Variants in ZNF668 observed in about 807,000 individuals in gnomAD.
The protein encoded by ZNF668 is zinc finger protein 668.
Under a neutral mutation model 40.3 loss-of-function variants are expected in ZNF668, and 10 were observed. That is an observed-to-expected ratio of 0.25 (90% CI 0.15 to 0.42). The LOEUF (loss-of-function observed/expected upper bound fraction) is 0.42. ZNF668 is among the 10% of genes least tolerant of loss of function. The probability of loss-of-function intolerance (pLI) is 1.00; values close to 1 mark genes in which losing one functional copy is unlikely to be tolerated. For synonymous variants in ZNF668, 428 were observed against 384.6 expected (o/e 1.11, Z -1.32); for missense variants, 749 against 904.6 (o/e 0.83, Z 2.21).
In ZNF668 at chr16:31,062,039, G is replaced by A; in HGVS notation, c.889C>T (p.Arg297Cys). The part of the protein sequence containing the change: ...RMFSDPSSFR[R>C]HQRAHEGVKP... ...ACCCCTTCATGGGCGCGCTGGTGGC[G>A]ACGGAAGCTCGAGGGGTCGGAGAAC... The change falls in exon 3 of 3, where the codon CGC becomes TGC. Residue 297 changes from arginine to cysteine, a missense_variant. Arg to Cys is a radical substitution (Grantham distance 180). Coordinates refer to ENST00000300849, the MANE Select transcript of ZNF668 (RefSeq NM_024706.5). The A allele has an allele frequency of 1.9e-6, 3 of 1,613,522 alleles. No homozygotes were observed. The highest frequency in any genetic ancestry group is 1.1e-5 in the South Asian group (1 of 91,050).
chr16:31,064,982 T>C, intron 1 of ZNF668: 2 of 1,228,516 alleles, frequency 1.6e-6, no homozygotes, highest in South Asian at 4.2e-5. Flanking sequence ...CCCCAGCATT[T>C]GTGTTTTCTT....
chr16:31,064,148 G>A lies in ZNF668; in HGVS notation c.312C>T (p.Arg104=), dbSNP rs756182512. The A allele has an allele frequency of 5.6e-6, 9 of 1,607,922 alleles. No individual in the cohort carries two copies. The African/African-American group carries it at 1.2e-4, about 21-fold the overall frequency. Residue 104 remains arginine (R), a synonymous_variant, in exon 2 of 3, where the codon CGC becomes CGT. Coordinates refer to ENST00000300849, the MANE Select transcript of ZNF668 (RefSeq NM_024706.5). The stretch of plus-strand genomic sequence containing the variant: ...GAAAGGGCTTCTCCCCCGTGTGGCT[G>A]CGCCCGTGGCTGCGCAGCTCGGGTG... ...KTAPELRSHG[R]SHTGEKPFPC... is the part of the protein sequence containing the mutation.
intron 1 of ZNF668, among the ~76,000 whole-genome samples, chr16:31,068,220 TAA>T (rs767511878): frequency 1.1e-4 from 1 of 9,380 alleles, no homozygotes; most frequent in African/African-American, 2.9e-4. Context: ...ATCCCACCAT[TAA>T]AAAAAAAAAA....
At chr16:31,071,446 C>T (rs1319803429) in intron 1 of ZNF668, among the ~76,000 whole-genome samples, 1 of 152,154 alleles carries the variant, frequency 6.6e-6, no homozygotes, top group Non-Finnish European at 1.5e-5. Flanking sequence ...GGATTACAGG[C>T]GTGAGCCACC....
At chr16:31,066,354 A>G (rs1258801622) in intron 1 of ZNF668, 1 of 985,266 alleles carries the variant, frequency 1.0e-6, no homozygotes, top group African/African-American at 1.7e-5. Context: ...AATCCCACAA[A>G]ACTCCATCTT....
rs764449774 is a variant in ZNF668, at chr16:31,061,893, G to A, written c.1035C>T (p.Phe345=). The change falls in exon 3 of 3, where the codon TTC becomes TTT. Residue 345 remains phenylalanine, a synonymous_variant. Coordinates refer to ENST00000300849, the MANE Select transcript of ZNF668 (RefSeq NM_024706.5). This position sits in a 1 kb window ranked among gnomAD's most constrained non-coding sequence, Gnocchi z 7.7. ...PFKCLQCDKT[F]VASWDLKRHA... ...GCCGCTTGAGGTCCCAGGACGCCAC[G>A]AACGTCTTGTCACATTGCAGGCACT... 16 of 1,612,928 alleles carry A rather than the reference G, an allele frequency of 9.9e-6. No homozygotes were observed. The African/African-American group carries it at 1.5e-4, about 15-fold the overall frequency.
intron 1 of ZNF668, among the ~76,000 whole-genome samples, chr16:31,068,239 A>AAAAAAAATATATATATATAT (rs1473353128): frequency 1.2e-5 from 1 of 82,988 alleles, no homozygotes; most frequent in African/African-American, 5.0e-5. Flanking sequence ...AAAAAAAAAA[A>AAAAAAAATATATATATATAT]ATATATATAT....
At position 31,061,596 on chromosome 16, in the gene ZNF668, G is replaced by A. The variant is rs369553277; in HGVS notation, c.1332C>T (p.Ala444=). 11 of 1,609,224 alleles carry A rather than the reference G, an allele frequency of 6.8e-6. No homozygotes were observed. In the South Asian group the frequency reaches 9.9e-5, roughly 14 times the overall value. ...CCAGCCCCGCCCCTGCTGCCGGGGC[G>A]GCTGAACTCTCACCTGCCACGCCCA... is the stretch of plus-strand genomic sequence containing the variant. ...LPVGVAGESS[A]APAAGAGLGD... Residue 444 remains alanine, a synonymous_variant, in exon 3 of 3, where the codon GCC becomes GCT. Transcript: ENST00000300849. This position sits in a 1 kb window ranked among gnomAD's most constrained non-coding sequence, Gnocchi z 7.7.
chr16:31,062,820 C>A (rs1400886628), intron 2 of ZNF668: 1 of 146,426 alleles, frequency 6.8e-6, no homozygotes, highest in Admixed American at 6.9e-5. Context: ...CATGGCCAGG[C>A]GCGGTGGCTC....
rs7203158 is a variant in ZNF668 at position 31,063,805 on chromosome 16, A to G, written c.647+8T>C. 1.1e-4 allele frequency: 173 copies of G among 1,552,182 alleles called. 1 individual carries two copies. Among genetic ancestry groups the G allele is most frequent in the Non-Finnish European group, 9.6e-6 (11 of 1,145,160 alleles). On this transcript the variant is annotated splice_region_variant and intron_variant, in intron 2 of 2. Coordinates refer to ENST00000300849, the MANE Select transcript of ZNF668 (RefSeq NM_024706.5). The stretch of plus-strand genomic sequence containing the variant: ...CGGAAGGCGCCCTGCCCCGGAAGGC[A>G]CCCTCACCGCTCATGGTTGCGGAGG...
In ZNF668 at chr16:31,061,861, A is replaced by T. The variant is rs1304799470; in HGVS notation, c.1067T>A (p.Leu356Gln). 6.2e-7 allele frequency: 1 copy of T among 1,612,844 alleles called. No individual in the cohort carries two copies. Among genetic ancestry groups the T allele is most frequent in the Non-Finnish European group, 8.5e-7 (1 of 1,179,602 alleles). ...VASWDLKRHA[L>Q]VHSGQRPFRC... is the part of the protein sequence containing the mutation. ...GAAGGGCCGCTGGCCAGAGTGCACCAGCGCGTGCCGCTTGAGGTCCCAGGA... is the reference window on the plus strand; with the variant it reads ...GAAGGGCCGCTGGCCAGAGTGCACCTGCGCGTGCCGCTTGAGGTCCCAGGA... Residue 356 changes from leucine to glutamine, a missense_variant, in exon 3 of 3, where the codon CTG (leucine) becomes CAG (glutamine). Leu to Gln is a moderately radical substitution (Grantham distance 113). Transcript: ENST00000300849. This position sits in a 1 kb window ranked among gnomAD's most constrained non-coding sequence, Gnocchi z 7.7.
In ZNF668 at chr16:31,061,089, C is replaced by T. The variant is rs2143752628; in HGVS notation, c.1839G>A (p.Met613Ile). 2.0e-6 allele frequency: 3 copies of T among 1,500,466 alleles called. No homozygotes were observed. The highest frequency in any genetic ancestry group is 2.7e-6 in the Non-Finnish European group (3 of 1,127,122). The allele number at this position is 1,500,466 out of a possible 1,614,324, so 92.9% of individuals were successfully genotyped here. A position where few individuals can be genotyped will look rare whatever the true frequency, so the allele number is the denominator to read the frequency against. ...PLEPLVALLG[M>I]PEEGPA ...GGCTTCAGGCCGGCCCCTCTTCAGG[C>T]ATTCCTAGCAAAGCCACCAGGGGCT... is the stretch of plus-strand genomic sequence containing the variant. Residue 613 changes from methionine (M) to isoleucine (I), a missense_variant, in exon 3 of 3, where the codon ATG becomes ATA. Coordinates refer to ENST00000300849, the MANE Select transcript of ZNF668 (RefSeq NM_024706.5). The surrounding 1 kb of genome is among the most constrained non-coding windows in gnomAD (Gnocchi z 7.7).
In ZNF668 at chr16:31,061,229, T is replaced by A; in HGVS notation, c.1699A>T (p.Ser567Cys). 6.5e-7 allele frequency: 1 copy of A among 1,531,130 alleles called. No homozygotes were observed. The highest frequency in any genetic ancestry group is 8.8e-7 in the Non-Finnish European group (1 of 1,140,868). 94.8% of individuals were successfully genotyped at this position (1,531,130 alleles called of 1,614,324 possible). A position where few individuals can be genotyped will look rare whatever the true frequency, so the allele number is the denominator to read the frequency against. Residue 567 changes from serine (S) to cysteine (C), a missense_variant, in exon 3 of 3, where the codon AGC becomes TGC. Physicochemically the swap from Ser to Cys is moderately radical, Grantham distance 112. Around this residue, in one of 4 missense-constraint regions of ZNF668, gnomAD observed 310 missense variants for 355.1 expected, o/e 0.87. Coordinates refer to ENST00000300849, the MANE Select transcript of ZNF668 (RefSeq NM_024706.5). This position sits in a 1 kb window ranked among gnomAD's most constrained non-coding sequence, Gnocchi z 7.7. ...AGLRKHSRTH[S>C]SVRPYTCPHC... ...GGGCAGGTGTAGGGGCGCACTGAGC[T>A]GTGAGTGCGGCTGTGTTTGCGCAGC...
chr16:31,064,271 T>C lies in ZNF668; in HGVS notation c.189A>G (p.Glu63=). Residue 63 remains glutamate (E), a synonymous_variant, in exon 2 of 3, where the codon GAA becomes GAG. Coordinates refer to ENST00000300849, the MANE Select transcript of ZNF668 (RefSeq NM_024706.5). Reference sequence around the variant, plus strand: ...CCCCACTGGCTTCCTCTGCCTTAGCTTCTGTCTCTGGCTTTGGCTTCACCT... The same window carrying C: ...CCCCACTGGCTTCCTCTGCCTTAGCCTCTGTCTCTGGCTTTGGCTTCACCT... The part of the protein sequence containing the change: ...VAEVKPKPET[E]AKAEEASGEK... The C allele has an allele frequency of 6.2e-7, 1 of 1,613,816 alleles. No individual in the cohort carries two copies. The highest frequency in any genetic ancestry group is 1.1e-5 in the South Asian group (1 of 91,086).
At chr16:31,064,729 C>A (rs1463616627) in intron 1 of ZNF668, 39 of 1,514,628 alleles carry the variant, frequency 2.6e-5, no homozygotes, top group Non-Finnish European at 3.0e-5. Flanking sequence ...ACCTACACGT[C>A]CCCCCCCGCC....
chr16:31,064,383 G>C lies in ZNF668; in HGVS notation c.77C>G (p.Ser26Cys). 6.2e-7 allele frequency: 1 copy of C among 1,613,918 alleles called. No individual in the cohort carries two copies. Among genetic ancestry groups the C allele is most frequent in the Non-Finnish European group, 8.5e-7 (1 of 1,180,034 alleles). ...KRSGRRYKCL[S>C]CTKTFPNAPR... The stretch of plus-strand genomic sequence containing the variant: ...CGCGTTTGGAAATGTCTTGGTACAG[G>C]ACAGGCACTTGTAGCGGCGGCCCGA... The change falls in exon 2 of 3, where the codon TCC (serine) becomes TGC (cysteine). Residue 26 changes from serine to cysteine, a missense_variant. Ser to Cys is a moderately radical substitution (Grantham distance 112). Transcript: ENST00000300849.
chr16:31,063,856 C>G lies in ZNF668; in HGVS notation c.604G>C (p.Gly202Arg), dbSNP rs761804407. 2 of 1,591,022 alleles carry G rather than the reference C, an allele frequency of 1.3e-6. No individual in the cohort carries two copies. The highest frequency in any genetic ancestry group is 1.3e-5 in the African/African-American group (1 of 74,350). The change falls in exon 2 of 3, where the codon GGC becomes CGC. Residue 202 changes from glycine to arginine, a missense_variant. This residue lies in a region of ZNF668 where 151 missense variants were observed against 178.6 expected (regional missense o/e 0.85). Transcript: ENST00000300849. ...TCCTTGAGCTCCGCATAGGCTTTGC[C>G]GCAACGCTCACAGCTGTAGGGCCGC... is the stretch of plus-strand genomic sequence containing the variant. ...GLRPYSCERC[G>R]KAYAELKDLR... is the part of the protein sequence containing the mutation.
In ZNF668 at chr16:31,064,328, A is replaced by G. The variant is rs746345161; in HGVS notation, c.132T>C (p.His44=). ...APRAARHAAT[H]GPADCSEEVA... ...CCTCTTCAGAGCAGTCTGCCGGCCCATGTGTGGCAGCGTGGCGCGCTGCCC... is the reference window on the plus strand; with the variant it reads ...CCTCTTCAGAGCAGTCTGCCGGCCCGTGTGTGGCAGCGTGGCGCGCTGCCC... Residue 44 remains histidine (H), a synonymous_variant, in exon 2 of 3, where the codon CAT becomes CAC. Coordinates refer to ENST00000300849, the MANE Select transcript of ZNF668 (RefSeq NM_024706.5). 21 of 1,613,822 alleles carry G rather than the reference A, an allele frequency of 1.3e-5. No homozygotes were observed. The highest frequency in any genetic ancestry group is 2.2e-5 in the East Asian group (1 of 44,874).
chr16:31,064,185 G>A lies in ZNF668; in HGVS notation c.275C>T (p.Ala92Val). ...GCGCAGCTCGGGTGCCGTCTTGTAGGCCTTGGGGCATAGCGGACACGCATA... is the reference window on the plus strand; with the variant it reads ...GCGCAGCTCGGGTGCCGTCTTGTAGACCTTGGGGCATAGCGGACACGCATA... ...RPYACPLCPKAYKTAPELRSH... is the reference protein window; with the variant it reads ...RPYACPLCPKVYKTAPELRSH... The change falls in exon 2 of 3, where the codon GCC (alanine) becomes GTC (valine). Residue 92 changes from alanine (A) to valine (V), a missense_variant. Ala to Val is a moderately conservative substitution (Grantham distance 64). Coordinates refer to ENST00000300849, the MANE Select transcript of ZNF668 (RefSeq NM_024706.5). 3 of 1,611,974 alleles carry A rather than the reference G, an allele frequency of 1.9e-6. No homozygotes were observed. The highest frequency in any genetic ancestry group is 2.5e-6 in the Non-Finnish European group (3 of 1,179,956).
Sources: allele counts gnomAD v4.1 joint callset (sites outside exome capture counted in the v4.1 genomes callset), GRCh38; gene constraint gnomAD v4.1.1; regional missense constraint gnomAD v4.1.1; non-coding constraint Gnocchi (gnomAD v3.1); transcripts MANE v1.5; gene names NCBI Gene and HGNC (gene_info 2026-07-23, HGNC 2026-07-21).